The following GMDS variants were observed in gnomAD, a reference collection of about 807,000 sequenced individuals.
The protein encoded by GMDS is GDP-mannose 4,6 dehydratase.
A neutral mutation model predicts 49.9 loss-of-function variants in GMDS; 20 were observed. The observed-to-expected ratio is 0.40, with a 90% CI of 0.28 to 0.58. GMDS has a LOEUF of 0.58. Ranked by LOEUF, GMDS falls within the 20% of genes least tolerant of loss-of-function variation. The pLI is 0.42. For missense variants in GMDS, 362 were observed against 481.4 expected, an observed-to-expected ratio of 0.75 and a Z score of 2.32; for synonymous variants, 177 against 178.6, an observed-to-expected ratio of 0.99 and a Z score of 0.07.
chr6:1,827,285 A>G (rs376501730), intron 7 of GMDS, among the ~76,000 whole-genome samples: 1 of 152,072 alleles, frequency 6.6e-6, no homozygotes, highest in Non-Finnish European at 1.5e-5. Flanking sequence ...GAAAACATGT[A>G]TATACACACA....
At chr6:1,724,275 C>T (rs2113434908) in intron 9 of GMDS, among the ~76,000 whole-genome samples, 1 of 152,298 alleles carries the variant, frequency 6.6e-6, no homozygotes, top group East Asian at 1.9e-4. Flanking sequence ...TCAAAGAATG[C>T]TAGTGTCAAC....
At position 1,895,415 on chromosome 6, in the gene GMDS, T is replaced by A. The variant is rs150692413; in HGVS notation, c.771+34688A>T. On this transcript the variant is annotated intron_variant, in intron 7 of 10. Coordinates refer to ENST00000380815, the MANE Select transcript of GMDS (RefSeq NM_001500.4). ...TAGTGGGGTCAGCCAAAAAACAGAC[T>A]TCAGCTATGCATTGCCCACTAAGGT... 2.5e-3 allele frequency among the ~76,000 whole-genome samples: 378 copies of A among 152,302 alleles called. 4 individuals are homozygous for A. Among genetic ancestry groups the A allele is most frequent in the African/African-American group, 8.5e-3 (355 of 41,558 alleles).
At chr6:1,692,992 A>G (rs1765226511) in intron 9 of GMDS, among the ~76,000 whole-genome samples, 1 of 152,196 alleles carries the variant, frequency 6.6e-6, no homozygotes, top group South Asian at 2.1e-4. Context: ...GTATTCCTGT[A>G]CATACTCTTG....
intron 6 of GMDS, among the ~76,000 whole-genome samples, chr6:1,932,679 A>G (rs1269719427): frequency 6.6e-6 from 1 of 151,800 alleles, no homozygotes; most frequent in African/African-American, 2.4e-5. Flanking sequence ...CTGGGACTAC[A>G]GGTGCCCGTC....
At chr6:2,012,080 G>GA (rs1767596450) in intron 4 of GMDS, among the ~76,000 whole-genome samples, 1 of 152,108 alleles carries the variant, frequency 6.6e-6, no homozygotes, top group Non-Finnish European at 1.5e-5. Flanking sequence ...CATGGACATA[G>GA]AGAGTGGAAT....
At chr6:1,770,964 C>T (rs1188067624) in intron 7 of GMDS, among the ~76,000 whole-genome samples, 1 of 152,228 alleles carries the variant, frequency 6.6e-6, no homozygotes, top group Non-Finnish European at 1.5e-5. Context: ...CATTTTCAGG[C>T]AGTCCCAGAT....
chr6:1,894,842 G>C (rs186071790), intron 7 of GMDS, among the ~76,000 whole-genome samples: 10 of 152,238 alleles, frequency 6.6e-5, no homozygotes, highest in African/African-American at 2.2e-4. Context: ...TAAGATTAAA[G>C]CAACAGACAT....
intron 7 of GMDS, among the ~76,000 whole-genome samples, chr6:1,918,251 G>A (rs1400220374): frequency 2.0e-5 from 3 of 152,014 alleles, no homozygotes; most frequent in Admixed American, 6.5e-5. Flanking sequence ...TGAGATCCTT[G>A]AAAACTGAGA....
At chr6:1,649,833 GC>G (rs1763596603) in intron 9 of GMDS, among the ~76,000 whole-genome samples, 1 of 152,188 alleles carries the variant, frequency 6.6e-6, no homozygotes, top group South Asian at 2.1e-4. Context: ...GCTCCTGACA[GC>G]TCTGCAGGAA....
chr6:2,021,539 G>A (rs1487290208), intron 4 of GMDS, among the ~76,000 whole-genome samples: 3 of 152,058 alleles, frequency 2.0e-5, no homozygotes, highest in African/African-American at 7.2e-5. Context: ...AAATGCATAA[G>A]TAAAGATACA....
intron 4 of GMDS, among the ~76,000 whole-genome samples, chr6:1,966,820 ATCTTCCCT>A (rs1764286717): frequency 6.6e-6 from 1 of 152,088 alleles, no homozygotes. Flanking sequence ...AAACCTAGAA[ATCTTCCCT>A]AACACTTCCT....
At chr6:2,044,217 T>C (rs1235640079) in intron 4 of GMDS, among the ~76,000 whole-genome samples, 1 of 152,182 alleles carries the variant, frequency 6.6e-6, no homozygotes, top group African/African-American at 2.4e-5. Flanking sequence ...ACAGGGTATA[T>C]ACCCAAAGAA....
intron 1 of GMDS, among the ~76,000 whole-genome samples, chr6:2,155,810 G>A (rs1430597299): frequency 6.6e-6 from 1 of 152,130 alleles, no homozygotes; most frequent in Non-Finnish European, 1.5e-5. Context: ...CAGTATCTCT[G>A]CTGAAAAGTA....
chr6:1,710,818 G>A (rs1400112496), intron 9 of GMDS, among the ~76,000 whole-genome samples: 1 of 152,192 alleles, frequency 6.6e-6, no homozygotes, highest in Non-Finnish European at 1.5e-5. Context: ...TGGGGAGGGC[G>A]GATGTCAAGC....
At chr6:1,722,145 C>T (rs985182270) in intron 9 of GMDS, among the ~76,000 whole-genome samples, 3 of 144,940 alleles carry the variant, frequency 2.1e-5, no homozygotes, top group African/African-American at 5.1e-5. Context: ...TGGCTCACTG[C>T]AAGCTCCACC....
chr6:1,868,862 A>G (rs1758574168), intron 7 of GMDS, among the ~76,000 whole-genome samples: 1 of 152,234 alleles, frequency 6.6e-6, no homozygotes, highest in Non-Finnish European at 1.5e-5. Context: ...GAAATCAGAA[A>G]ATTATGAATA....
rs915875703 is a variant in GMDS at position 1,624,792 on chromosome 6, C to T, written c.988-252G>A. The T allele has an allele frequency of 2.1e-5, 9 of 431,836 alleles. No individual in the cohort carries two copies. In the Admixed American group the frequency reaches 3.6e-4, roughly 17 times the overall value. 26.8% of individuals were successfully genotyped at this position (431,836 alleles called of 1,614,324 possible). ...GATCCACCCCCAGCTACCTCCACAC[C>T]TCTTCTCCCCAAGGCGTCCCTTGGG... On this transcript the variant is annotated intron_variant, in intron 9 of 10. Transcript: ENST00000380815.
intron 7 of GMDS, among the ~76,000 whole-genome samples, chr6:1,800,661 A>C (rs1161063037): frequency 6.7e-6 from 1 of 149,068 alleles, no homozygotes; most frequent in Non-Finnish European, 1.5e-5. Flanking sequence ...ATGGGGTTTC[A>C]CCATAATGGC....
chr6:2,119,449 G>C (rs1279948389), intron 2 of GMDS, among the ~76,000 whole-genome samples: 1 of 152,028 alleles, frequency 6.6e-6, no homozygotes, highest in Non-Finnish European at 1.5e-5. Flanking sequence ...TGTGTACACA[G>C]GGAAAGAAAG....
Sources: gnomAD v4.1 joint callset for allele counts (sites outside exome capture counted in the v4.1 genomes callset) on GRCh38, gnomAD v4.1.1 for gene constraint, MANE v1.5 for transcripts, NCBI Gene and HGNC (gene_info 2026-07-23, HGNC 2026-07-21) for gene names.